NAB2: variants seen among roughly 807,000 people sequenced by gnomAD.
NAB2 encodes the protein NGFI-A binding protein 2, also known as NGFI-A-binding protein 2.
In NAB2, 9 loss-of-function variants were observed where a neutral mutation model predicts 44.2. The observed-to-expected ratio is 0.20, with a 90% confidence interval of 0.12 to 0.36. The LOEUF (loss-of-function observed/expected upper bound fraction) is 0.36, where lower values mean the gene tolerates loss of function less well. Among genes scored for constraint, NAB2 ranks in the 10% least tolerant of loss-of-function variants. The probability of loss-of-function intolerance (pLI) is 1.00; values close to 1 mark genes in which losing one functional copy is unlikely to be tolerated. For missense variants in NAB2, 514 were observed against 709.0 expected (o/e 0.73, Z 3.12); for synonymous variants, 342 against 291.0 (o/e 1.18, Z -1.78).
chr12:57,092,056 C>T (rs565072373), intron 2 of NAB2, 58 bp downstream of exon 2: 3 of 1,546,608 alleles, frequency 1.9e-6, no homozygotes, highest in African/African-American at 1.4e-5. Flanking sequence ...CAGCCGCTTA[C>T]CTCTGCGAGT....
intron 3 of NAB2, 50 bp from the exon 4 acceptor site, chr12:57,092,867 C>T (rs773404678): frequency 5.6e-6 from 9 of 1,602,302 alleles, no homozygotes; most frequent in African/African-American, 1.3e-5. Flanking sequence ...CTCTGCCAGT[C>T]GAGTGGCCCT....
rs1057290 is a variant in NAB2, at chr12:57,092,495, G to A, written c.1005G>A (p.Thr335=). 58,123 of 1,614,110 alleles carry A rather than the reference G, an allele frequency of 0.036. 1,293 individuals are homozygous for A. Among genetic ancestry groups the A allele is most frequent in the Middle Eastern group, 0.081 (492 of 6,060 alleles). ...CCCAGTTCTGCATGAGGGACAACACGCTCTTATTACGGAGAGTGGAGCTCT... is the reference window on the plus strand; with the variant it reads ...CCCAGTTCTGCATGAGGGACAACACACTCTTATTACGGAGAGTGGAGCTCT... The part of the protein sequence containing the change: ...AAAQFCMRDN[T]LLLRRVELFS... The change falls in exon 3 of 7, where the codon ACG becomes ACA. Residue 335 remains threonine (T), a synonymous_variant. Coordinates refer to ENST00000300131, the MANE Select transcript of NAB2 (RefSeq NM_005967.4).
chr12:57,093,392 T>C lies in NAB2; in HGVS notation c.1277-15T>C, dbSNP rs1479219998. 3 of 1,541,536 alleles carry C rather than the reference T, an allele frequency of 1.9e-6. No homozygotes were observed. Among genetic ancestry groups the C allele is most frequent in the African/African-American group, 1.4e-5 (1 of 72,974 alleles). On this transcript the variant is annotated splice_polypyrimidine_tract_variant and intron_variant, in intron 5 of 6. Coordinates refer to ENST00000300131, the MANE Select transcript of NAB2 (RefSeq NM_005967.4). ...TGGCTGCAGCCCCTTACCTGACCAGTGCCCATGCCCACAGCTGTGGGGTCA... is the reference window on the plus strand; with the variant it reads ...TGGCTGCAGCCCCTTACCTGACCAGCGCCCATGCCCACAGCTGTGGGGTCA...
rs2033118574 is a variant in NAB2, at chr12:57,089,301, G to A, written c.30G>A (p.Glu10=). 6.3e-7 allele frequency: 1 copy of A among 1,578,718 alleles called. No individual in the cohort carries two copies. Among genetic ancestry groups the A allele is most frequent in the East Asian group, 2.3e-5 (1 of 43,610 alleles). Residue 10 remains glutamate, a synonymous_variant, in exon 1 of 7, where the codon GAG becomes GAA. Coordinates refer to ENST00000300131, the MANE Select transcript of NAB2 (RefSeq NM_005967.4). ...ACAGAGCGCCTTCCCCCACAGCCGA[G>A]CAGCCGCCGGGCGGAGGGGACAGCG... is the stretch of plus-strand genomic sequence containing the variant. MHRAPSPTA[E]QPPGGGDSAR...
chr12:57,093,712 C>A, intron 6 of NAB2, 114 bp downstream of exon 6: 1 of 1,159,032 alleles, frequency 8.6e-7, no homozygotes, highest in Non-Finnish European at 1.2e-6. Flanking sequence ...TCAGAGAGGG[C>A]AGTAGGATGG....
chr12:57,092,005 A>AC lies in NAB2; in HGVS notation c.957+12dup. 1 of 1,596,516 alleles carries AC rather than the reference A, an allele frequency of 6.3e-7. No individual in the cohort carries two copies. Among genetic ancestry groups the AC allele is most frequent in the South Asian group, 1.1e-5 (1 of 88,492 alleles). ...GCAGCTCAGCCTGCACGAGGTGAGAACCCCCAGGCCTCCTAGGATTGCCCT... is the reference window on the plus strand; with the variant it reads ...GCAGCTCAGCCTGCACGAGGTGAGAACCCCCCAGGCCTCCTAGGATTGCCCT... On this transcript the variant is annotated splice_region_variant and intron_variant, in intron 2 of 6. Transcript: ENST00000300131.
At chr12:57,094,400 G>C (rs1296241779) in intron 6 of NAB2, among the ~76,000 whole-genome samples, 1 of 151,908 alleles carries the variant, frequency 6.6e-6, no homozygotes, top group Non-Finnish European at 1.5e-5. Flanking sequence ...GAGACAGACA[G>C]AGACAGAGCT....
intron 6 of NAB2, 133 bp from the exon 7 acceptor site, chr12:57,094,479 C>T: frequency 1.4e-6 from 1 of 733,512 alleles, no homozygotes; most frequent in Non-Finnish European, 2.4e-6. Context: ...ATGCAGTGGG[C>T]AGGAGGCAGT....
Position 57,091,477 on chromosome 12 carries a change from G to A in NAB2, c.436G>A (p.Gly146Ser). Residue 146 changes from glycine (G) to serine (S), a missense_variant, in exon 2 of 7, where the codon GGC becomes AGC. Physicochemically the swap from Gly to Ser is moderately conservative, Grantham distance 56. Around this residue, in one of 5 missense-constraint regions of NAB2, gnomAD observed 177 missense variants for 200.5 expected, o/e 0.88. Coordinates refer to ENST00000300131, the MANE Select transcript of NAB2 (RefSeq NM_005967.4). The surrounding 1 kb of genome is among the most constrained non-coding windows in gnomAD (Gnocchi z 7.3). Reference sequence around the variant, plus strand: ...GAAAGGGAGCATGAGCAATGGGCATGGCAGCCCAGGGGAAAAGGCAGGCAG... The same window carrying A: ...GAAAGGGAGCATGAGCAATGGGCATAGCAGCCCAGGGGAAAAGGCAGGCAG... Reference protein sequence around the residue: ...TRKGSMSNGHGSPGEKAGSAR... With the variant: ...TRKGSMSNGHSSPGEKAGSAR... 6.2e-7 allele frequency: 1 copy of A among 1,614,208 alleles called. No homozygotes were observed. The highest frequency in any genetic ancestry group is 8.5e-7 in the Non-Finnish European group (1 of 1,180,052).
intron 1 of NAB2, among the ~76,000 whole-genome samples, chr12:57,090,659 T>G (rs1214372462): frequency 1.3e-5 from 2 of 152,202 alleles, no homozygotes; most frequent in East Asian, 3.9e-4. Context: ...CAGCGTCCAC[T>G]GTGGGGGAGA....
chr12:57,089,780 G>A (rs188325290), intron 1 of NAB2, among the ~76,000 whole-genome samples: 1 of 151,986 alleles, frequency 6.6e-6, no homozygotes, highest in South Asian at 2.1e-4. Context: ...CGGGGGAAAG[G>A]GGGGGTGACG....
Position 57,089,270 on chromosome 12 carries a change from C to T in NAB2, c.-2C>T, listed in dbSNP as rs1482999844. On this transcript the variant is annotated 5_prime_UTR_variant, in exon 1 of 7. Coordinates refer to ENST00000300131, the MANE Select transcript of NAB2 (RefSeq NM_005967.4). ...GGCAGCCCGGGTGATCTCCGGCCGT[C>T]CATGCACAGAGCGCCTTCCCCCACA... The T allele has an allele frequency of 1.3e-6, 2 of 1,572,688 alleles. No individual in the cohort carries two copies. Among genetic ancestry groups the T allele is most frequent in the East Asian group, 2.3e-5 (1 of 43,152 alleles).
chr12:57,093,217 TTTCTC>T (rs1661989979), intron 5 of NAB2, 22 bp downstream of exon 5: 2 of 1,571,648 alleles, frequency 1.3e-6, no homozygotes, highest in East Asian at 4.5e-5. Flanking sequence ...TCAGAACACT[TTTCTC>T]TTCATTGAGG....
intron 1 of NAB2, among the ~76,000 whole-genome samples, chr12:57,090,760 G>T (rs1412372198): frequency 6.6e-6 from 1 of 152,212 alleles, no homozygotes; most frequent in Non-Finnish European, 1.5e-5. Flanking sequence ...ATTGTGTTTT[G>T]GGGGAGAGGG....
intron 2 of NAB2, 140 bp downstream of exon 2, chr12:57,092,138 C>T: frequency 7.2e-7 from 1 of 1,388,098 alleles, no homozygotes; most frequent in Non-Finnish European, 9.5e-7. Flanking sequence ...CCCCAACAGG[C>T]CCCTACCCCA....
At chr12:57,090,470 C>T (rs1172781821) in intron 1 of NAB2, among the ~76,000 whole-genome samples, 4 of 150,608 alleles carry the variant, frequency 2.7e-5, no homozygotes, top group African/African-American at 9.7e-5. Flanking sequence ...GAGCGAGACT[C>T]CGTCTCAAAT....
intron 3 of NAB2, 82 bp downstream of exon 3, chr12:57,092,663 C>T (rs924043883): frequency 9.8e-6 from 15 of 1,532,436 alleles, no homozygotes; most frequent in Non-Finnish European, 1.3e-5. Context: ...GCTCAGGCAG[C>T]TCTAGGCCTG....
intron 3 of NAB2, 123 bp downstream of exon 3, chr12:57,092,704 G>A: frequency 7.1e-7 from 1 of 1,400,262 alleles, no homozygotes; most frequent in South Asian, 1.4e-5. Context: ...CCTGCTTTTG[G>A]CCAAGTCAGC....
At chr12:57,090,802 G>C (rs1046364883) in intron 1 of NAB2, among the ~76,000 whole-genome samples, 1 of 152,212 alleles carries the variant, frequency 6.6e-6, no homozygotes, top group East Asian at 1.9e-4. Flanking sequence ...GTGCTGGTCA[G>C]CCTCAGCGCT....
Sources: allele counts gnomAD v4.1 joint callset (sites outside exome capture counted in the v4.1 genomes callset), GRCh38; gene constraint gnomAD v4.1.1; regional missense constraint gnomAD v4.1.1; non-coding constraint Gnocchi (gnomAD v3.1); transcripts MANE v1.5; gene names NCBI Gene and HGNC (gene_info 2026-07-23, HGNC 2026-07-21).